Variants in INTS6 observed in about 807,000 individuals in gnomAD.
The protein encoded by INTS6 is integrator complex subunit 6, also known as DEAD box protein.
In INTS6, 16 loss-of-function variants were observed where a neutral mutation model predicts 104.9. The ratio of observed to expected loss-of-function variants is 0.15; its 90% CI spans 0.10 to 0.23. The LOEUF is 0.23. Among genes scored for constraint, INTS6 ranks in the 10% least tolerant of loss-of-function variants. INTS6 has a pLI of 1.00. For missense variants in INTS6, 584 were observed against 1,062.8 expected (o/e 0.55, Z 6.26); for synonymous variants, 324 against 358.7 (o/e 0.90, Z 1.09).
intron 3 of INTS6, chr13:51,445,718 A>G (rs909320325): frequency 3.9e-5 from 6 of 152,222 alleles, no homozygotes; most frequent in African/African-American, 1.4e-4. Flanking sequence ...TCTTTTACAC[A>G]ATAAAGATGG....
At chr13:51,390,662 C>T (rs921843785) in intron 5 of INTS6, among the ~76,000 whole-genome samples, 4 of 152,000 alleles carry the variant, frequency 2.6e-5, no homozygotes, top group African/African-American at 4.8e-5. Flanking sequence ...TCAACTTACA[C>T]TTAACGTGAT....
At chr13:51,407,078 A>G (rs903223258) in intron 4 of INTS6, among the ~76,000 whole-genome samples, 4 of 150,872 alleles carry the variant, frequency 2.7e-5, no homozygotes, top group African/African-American at 9.8e-5. Flanking sequence ...TTCCTTTCAG[A>G]GGAAAAAAAA....
intron 3 of INTS6, chr13:51,444,632 C>T (rs1952867932): frequency 6.6e-6 from 1 of 151,596 alleles, no homozygotes; most frequent in Admixed American, 6.6e-5. Flanking sequence ...GCCTGTAATC[C>T]CAGCTACTCA....
At chr13:51,357,673 C>G (rs151183359), downstream of INTS6, among the ~76,000 whole-genome samples, 9 of 152,112 alleles carry the variant, frequency 5.9e-5, no homozygotes, top group Admixed American at 1.3e-4. Context: ...TAGTTCCCCC[C>G]CAGTCTCCTT....
At chr13:51,352,310 G>A (rs1420259447), downstream of INTS6, among the ~76,000 whole-genome samples, 2 of 151,918 alleles carry the variant, frequency 1.3e-5, no homozygotes, top group Non-Finnish European at 2.9e-5. Context: ...TTTTCATTAT[G>A]CAAGTCTTGC....
intron 5 of INTS6, 115 bp from the exon 6 acceptor site, chr13:51,389,559 T>C (rs1593694677): frequency 1.1e-6 from 1 of 933,624 alleles, no homozygotes; most frequent in Non-Finnish European, 1.5e-6. Flanking sequence ...ACAGTACTAA[T>C]TAACAAAAGT....
downstream of INTS6, among the ~76,000 whole-genome samples, chr13:51,349,996 G>A (rs990178599): frequency 6.6e-6 from 1 of 152,162 alleles, no homozygotes; most frequent in South Asian, 2.1e-4. Context: ...CTTAGGTCTA[G>A]ATTTAGGTAT....
At chr13:51,384,721 A>T in intron 7 of INTS6, 1 of 456,632 alleles carries the variant, frequency 2.2e-6, no homozygotes, top group Non-Finnish European at 4.4e-6. Context: ...ATAAACTGAT[A>T]TCACAAATTC....
At chr13:51,381,947 C>T (rs367643023) in intron 10 of INTS6, 82 bp downstream of exon 10, 21 of 744,092 alleles carry the variant, frequency 2.8e-5, no homozygotes, top group African/African-American at 3.6e-5. Context: ...ATGATCCACC[C>T]GCCTCGGCCT....
At chr13:51,390,147 G>C (rs1184330646) in intron 5 of INTS6, among the ~76,000 whole-genome samples, 2 of 151,908 alleles carry the variant, frequency 1.3e-5, no homozygotes, top group South Asian at 2.1e-4. Flanking sequence ...ATCTTTTAAA[G>C]AGGAATTTTC....
chr13:51,337,374 AT>A, the INTS6 span, among the ~76,000 whole-genome samples: 1 of 152,206 alleles, frequency 6.6e-6, no homozygotes. Flanking sequence ...TTAAACCATA[AT>A]TTTTAAAAGT....
At chr13:51,372,212 C>T (rs1955820619) in intron 15 of INTS6, among the ~76,000 whole-genome samples, 1 of 152,116 alleles carries the variant, frequency 6.6e-6, no homozygotes, top group Non-Finnish European at 1.5e-5. Context: ...CTCCCATAAC[C>T]CCTTGTTAGG....
At chr13:51,350,002 G>A (rs1332198277), downstream of INTS6, among the ~76,000 whole-genome samples, 2 of 152,112 alleles carry the variant, frequency 1.3e-5, no homozygotes, top group Non-Finnish European at 2.9e-5. Flanking sequence ...TCTAGATTTA[G>A]GTATAAACTT....
chr13:51,363,748 A>G lies in INTS6; in HGVS notation c.*2004T>C, dbSNP rs1293699376. 2 of 151,778 alleles carry G rather than the reference A, an allele frequency of 1.3e-5. No homozygotes were observed. The highest frequency in any genetic ancestry group is 2.4e-5 in the African/African-American group (1 of 41,318). 9.4% of individuals were successfully genotyped at this position (151,778 alleles called of 1,614,324 possible). On this transcript the variant is annotated 3_prime_UTR_variant, in exon 18 of 18. Coordinates refer to ENST00000311234, the MANE Select transcript of INTS6 (RefSeq NM_012141.3). Reference sequence around the variant, plus strand: ...AACCTTTAGTTCTGATAGGTTTCAAACCCTCCTGACCAGGTTTTAGGATGA... The same window carrying G: ...AACCTTTAGTTCTGATAGGTTTCAAGCCCTCCTGACCAGGTTTTAGGATGA...
At chr13:51,421,032 G>C (rs1956887840) in intron 4 of INTS6, 3 of 611,650 alleles carry the variant, frequency 4.9e-6, no homozygotes, top group Non-Finnish European at 4.1e-6. Context: ...TATCAGTTTA[G>C]GGTTGTCATT....
intron 5 of INTS6, among the ~76,000 whole-genome samples, chr13:51,393,709 AC>A (rs2137961098): frequency 6.6e-6 from 1 of 152,302 alleles, no homozygotes; most frequent in Admixed American, 6.5e-5. Context: ...GAAAGATATC[AC>A]CAAGGATGAC....
At chr13:51,357,693 T>C (rs1164222041), downstream of INTS6, among the ~76,000 whole-genome samples, 2 of 151,672 alleles carry the variant, frequency 1.3e-5, no homozygotes, top group African/African-American at 4.8e-5. Context: ...TGATACTAGA[T>C]GTTATGCAGC....
intron 4 of INTS6, among the ~76,000 whole-genome samples, chr13:51,413,758 C>T (rs1016728326): frequency 6.6e-6 from 1 of 152,136 alleles, no homozygotes; most frequent in African/African-American, 2.4e-5. Flanking sequence ...TTTTCTAAAA[C>T]CCATGCTATG....
At chr13:51,404,808 T>C (rs1310447621) in intron 4 of INTS6, among the ~76,000 whole-genome samples, 1 of 152,080 alleles carries the variant, frequency 6.6e-6, no homozygotes, top group Non-Finnish European at 1.5e-5. Context: ...AAGAAATAAT[T>C]AGGTCATGAT....
Sources: allele counts gnomAD v4.1 joint callset (sites outside exome capture counted in the v4.1 genomes callset), GRCh38; gene constraint gnomAD v4.1.1; transcripts MANE v1.5; gene names NCBI Gene and HGNC (gene_info 2026-07-23, HGNC 2026-07-21).